Variants in CSMD1 observed in about 807,000 individuals in gnomAD.
CSMD1 encodes CUB and Sushi multiple domains 1.
CSMD1 carries 213 observed loss-of-function variants against 417.5 expected under a neutral mutation model. The ratio of observed to expected loss-of-function variants is 0.51; its 90% confidence interval spans 0.46 to 0.57. CSMD1 has a LOEUF of 0.57. Among genes scored for constraint, CSMD1 ranks in the 20% least tolerant of loss-of-function variants. The pLI is 0.00. For synonymous variants in CSMD1, 2,862 were observed against 1,736.8 expected (o/e 1.65, Z -16.11); for missense variants, 6,923 against 4,529.7 (o/e 1.53, Z -15.17).
At chr8:3,230,464 T>C (rs933527797) in intron 26 of CSMD1, among the ~76,000 whole-genome samples, 2 of 150,948 alleles carry the variant, frequency 1.3e-5, no homozygotes, top group African/African-American at 4.9e-5. Flanking sequence ...ATGCAACCAA[T>C]GATGAAATAT....
intron 7 of CSMD1, among the ~76,000 whole-genome samples, chr8:3,674,942 C>T (rs1472773001): frequency 1.3e-5 from 2 of 152,166 alleles, no homozygotes; most frequent in Admixed American, 6.6e-5. Flanking sequence ...CCCCCTAAGC[C>T]TCTGTAGGCC....
At chr8:3,953,537 G>A (rs1811725493) in intron 5 of CSMD1, among the ~76,000 whole-genome samples, 1 of 152,084 alleles carries the variant, frequency 6.6e-6, no homozygotes, top group South Asian at 2.1e-4. Flanking sequence ...GCCCTGAGTG[G>A]AGTTTTACAG....
In CSMD1 at chr8:3,731,453, T is replaced by C. The variant is rs531984604; in HGVS notation, c.931+22477A>G. Reference sequence around the variant, plus strand: ...ATGGTCATGATAATGACTACCAGTTTTAACCCCTTCAATTCAATCCGAAAC... The same window carrying C: ...ATGGTCATGATAATGACTACCAGTTCTAACCCCTTCAATTCAATCCGAAAC... On this transcript the variant is annotated intron_variant, in intron 6 of 69. Coordinates refer to ENST00000635120, the MANE Select transcript of CSMD1 (RefSeq NM_033225.6). Among the ~76,000 whole-genome samples, 4 of 152,202 alleles carry C rather than the reference T, an allele frequency of 2.6e-5. No individual in the cohort carries two copies. The South Asian group carries it at 8.3e-4, about 31-fold the overall frequency.
chr8:3,638,868 T>A (rs895144424), intron 7 of CSMD1, among the ~76,000 whole-genome samples: 1 of 151,954 alleles, frequency 6.6e-6, no homozygotes, highest in Non-Finnish European at 1.5e-5. Context: ...AAGATAAAAC[T>A]ACAAGAAAAA....
At chr8:3,286,307 A>C (rs1051873495) in intron 25 of CSMD1, among the ~76,000 whole-genome samples, 1 of 152,144 alleles carries the variant, frequency 6.6e-6, no homozygotes, top group African/African-American at 2.4e-5. Context: ...GTGTCTTTAT[A>C]GCAGCATGAT....
At chr8:4,527,353 A>G (rs1336195932) in intron 2 of CSMD1, among the ~76,000 whole-genome samples, 1 of 152,114 alleles carries the variant, frequency 6.6e-6, no homozygotes, top group Non-Finnish European at 1.5e-5. Flanking sequence ...AAACAATAAA[A>G]TCTCACCAGA....
chr8:3,688,338 A>G (rs1307799694), intron 7 of CSMD1, among the ~76,000 whole-genome samples: 1 of 152,194 alleles, frequency 6.6e-6, no homozygotes, highest in African/African-American at 2.4e-5. Context: ...TACAAATGCC[A>G]GTAGAAAGTT....
At chr8:4,921,155 G>T (rs758944423) in intron 1 of CSMD1, among the ~76,000 whole-genome samples, 78 of 152,082 alleles carry the variant, frequency 5.1e-4, no homozygotes, top group Admixed American at 9.8e-4. Flanking sequence ...AAATTATGAT[G>T]ATTATGATGG....
chr8:4,156,553 A>G (rs17069160), intron 3 of CSMD1, among the ~76,000 whole-genome samples: 8,256 of 152,170 alleles, frequency 0.054, 317 homozygotes, highest in Non-Finnish European at 0.081. Flanking sequence ...TTCAAATTCT[A>G]AAAGATCACT....
At chr8:3,599,885 T>A (rs577944176) in intron 8 of CSMD1, among the ~76,000 whole-genome samples, 12 of 152,270 alleles carry the variant, frequency 7.9e-5, no homozygotes, top group Non-Finnish European at 1.8e-4. Flanking sequence ...AGTGAGATGG[T>A]TGACTACCTT....
intron 2 of CSMD1, among the ~76,000 whole-genome samples, chr8:4,610,311 G>A (rs1801103348): frequency 6.6e-6 from 1 of 152,164 alleles, no homozygotes; most frequent in Admixed American, 6.5e-5. Flanking sequence ...TATCCCTCTA[G>A]TATTAAATTC....
chr8:4,163,213 G>C (rs567903835), intron 3 of CSMD1, among the ~76,000 whole-genome samples: 24 of 152,244 alleles, frequency 1.6e-4, no homozygotes, highest in Admixed American at 2.6e-4. Flanking sequence ...AGGTTTTTCA[G>C]TACACGTAAG....
chr8:3,545,950 C>G (rs184757729), intron 10 of CSMD1, among the ~76,000 whole-genome samples: 1 of 152,120 alleles, frequency 6.6e-6, no homozygotes, highest in Non-Finnish European at 1.5e-5. Context: ...GTGGGAGAAA[C>G]TGGAAAGGTT....
At chr8:4,920,855 AGAAAAGAAAAGAAAAGAAAAG>A (rs1806393778) in intron 1 of CSMD1, among the ~76,000 whole-genome samples, 2 of 1,828 alleles carry the variant, frequency 1.1e-3, no homozygotes, top group African/African-American at 1.9e-3. Flanking sequence ...AGAAAAGAAA[AGAAAAGAAAAGAAAAGAAAAG>A]AAAAGAAAAG....
chr8:4,019,216 G>C (rs568172568), intron 4 of CSMD1, among the ~76,000 whole-genome samples: 5 of 152,190 alleles, frequency 3.3e-5, no homozygotes, highest in African/African-American at 7.2e-5. Flanking sequence ...AAACCTGAGA[G>C]AGGCTCCTGG....
chr8:3,856,519 A>T (rs1022698548), intron 5 of CSMD1, among the ~76,000 whole-genome samples: 5 of 152,192 alleles, frequency 3.3e-5, no homozygotes, highest in Non-Finnish European at 5.9e-5. Context: ...TCAAATGGAA[A>T]TCACGTAATA....
chr8:4,037,778 G>A (rs575840825), intron 3 of CSMD1, among the ~76,000 whole-genome samples: 1 of 151,978 alleles, frequency 6.6e-6, no homozygotes, highest in Non-Finnish European at 1.5e-5. Context: ...ATAGTTCTGA[G>A]GGCCTTGAAC....
chr8:4,577,999 C>A (rs1043275147), intron 2 of CSMD1, among the ~76,000 whole-genome samples: 1 of 152,118 alleles, frequency 6.6e-6, no homozygotes, highest in Admixed American at 6.6e-5. Flanking sequence ...TTTCGGGGAT[C>A]ACATATTTGG....
intron 3 of CSMD1, among the ~76,000 whole-genome samples, chr8:4,342,646 C>A (rs1800546284): frequency 6.6e-6 from 1 of 151,982 alleles, no homozygotes; most frequent in Admixed American, 6.6e-5. Context: ...TATTTATTTT[C>A]ATCACATGTG....
Sources: gnomAD v4.1 joint callset for allele counts (sites outside exome capture counted in the v4.1 genomes callset) on GRCh38, gnomAD v4.1.1 for gene constraint, MANE v1.5 for transcripts, NCBI Gene and HGNC (gene_info 2026-07-23, HGNC 2026-07-21) for gene names.